MINK1: variants seen among roughly 807,000 people sequenced by gnomAD.
MINK1 encodes misshapen like kinase 1.
A neutral mutation model predicts 178.4 loss-of-function variants in MINK1; 46 were observed. That is an observed-to-expected ratio of 0.26 (90% CI 0.20 to 0.33). The LOEUF (loss-of-function observed/expected upper bound fraction) is 0.33. Ranked by LOEUF, MINK1 falls within the 10% of genes least tolerant of loss-of-function variation. The probability of loss-of-function intolerance (pLI) is 1.00; values close to 1 mark genes in which losing one functional copy is unlikely to be tolerated. For synonymous variants in MINK1, 797 were observed against 709.7 expected (o/e 1.12, Z -1.96); for missense variants, 1,366 against 1,814.9 (o/e 0.75, Z 4.49).
chr17:4,834,304 T>C (rs1005574141), intron 1 of MINK1, among the ~76,000 whole-genome samples: 5 of 152,116 alleles, frequency 3.3e-5, no homozygotes, highest in African/African-American at 1.2e-4. Context: ...TGCAGCAGCG[T>C]GGGGCTGGGA....
intron 1 of MINK1, chr17:4,857,265 G>T (rs762221542): frequency 1.4e-5 from 3 of 215,460 alleles, no homozygotes; most frequent in Non-Finnish European, 2.9e-5. Flanking sequence ...CATGATGCCG[G>T]TGCCATTCTT....
In MINK1 at chr17:4,895,397, C is replaced by A. The variant is rs756044271; in HGVS notation, c.3133C>A (p.Arg1045=). The change falls in exon 26 of 32, where the codon CGA becomes AGA. Residue 1045 remains arginine, a synonymous_variant. Coordinates refer to ENST00000355280, the MANE Select transcript of MINK1 (RefSeq NM_153827.5). This position sits in a 1 kb window ranked among gnomAD's most constrained non-coding sequence, Gnocchi z 4.3. Reference sequence around the variant, plus strand: ...GGAGAACGGGCTGATGTTGCTGGACCGAAGTGGGCAGGGCAAGGTGTATGG... The same window carrying A: ...GGAGAACGGGCTGATGTTGCTGGACAGAAGTGGGCAGGGCAAGGTGTATGG... The part of the protein sequence containing the change: ...GTENGLMLLD[R]SGQGKVYGLI... 5 of 1,610,146 alleles carry A rather than the reference C, an allele frequency of 3.1e-6. 1 individual carries two copies. In the African/African-American group the frequency reaches 6.7e-5, roughly 22 times the overall value.
chr17:4,896,291 T>C lies in MINK1; in HGVS notation c.3564T>C (p.His1188=). 1 of 1,605,248 alleles carries C rather than the reference T, an allele frequency of 6.2e-7. No homozygotes were observed. The highest frequency in any genetic ancestry group is 8.5e-7 in the Non-Finnish European group (1 of 1,175,290). Residue 1188 remains histidine, a synonymous_variant, in exon 29 of 32, where the codon CAT becomes CAC. Transcript: ENST00000355280. The surrounding 1 kb of genome is among the most constrained non-coding windows in gnomAD (Gnocchi z 4.6). ...KVIYGSSAGF[H]AVDVDSGNSY... is the part of the protein sequence containing the mutation. ...TCTATGGCTCCAGTGCTGGCTTCCA[T>C]GCTGTGGATGTCGACTCGGGGAACA... is the stretch of plus-strand genomic sequence containing the variant.
chr17:4,863,249 T>A (rs1049548050), intron 1 of MINK1, among the ~76,000 whole-genome samples: 1 of 152,130 alleles, frequency 6.6e-6, no homozygotes, highest in African/African-American at 2.4e-5. Context: ...CCCCTGTAGT[T>A]CCCATGCCCT....
intron 1 of MINK1, chr17:4,834,936 T>C (rs1909077728): frequency 4.1e-6 from 2 of 488,730 alleles, no homozygotes; most frequent in Admixed American, 2.2e-5. Context: ...ATGTTGTTAA[T>C]TGGGTTTCTC....
chr17:4,861,681 A>G (rs1164799468), intron 1 of MINK1: 2 of 312,078 alleles, frequency 6.4e-6, no homozygotes, highest in Non-Finnish European at 1.3e-5. Flanking sequence ...CTGTATTTTT[A>G]GTAGAGACAG....
chr17:4,865,435 A>AT (rs1308026706), intron 1 of MINK1, among the ~76,000 whole-genome samples: 4 of 152,010 alleles, frequency 2.6e-5, no homozygotes, highest in Non-Finnish European at 5.9e-5. Flanking sequence ...CACTGTCTCA[A>AT]AAAATAAATA....
At chr17:4,834,686 C>A (rs1909020404) in intron 1 of MINK1, 1 of 510,078 alleles carries the variant, frequency 2.0e-6, no homozygotes, top group Non-Finnish European at 3.9e-6. Context: ...GGTGAACACT[C>A]CAGACTATCA....
At chr17:4,897,090 GTC>G (rs2151085277) in intron 31 of MINK1, 112 bp from the exon 32 acceptor site, 2 of 962,000 alleles carry the variant, frequency 2.1e-6, no homozygotes, top group Non-Finnish European at 3.2e-6. Flanking sequence ...TCCTCCTGCA[GTC>G]TCTGTGTCTC....
chr17:4,888,828 G>T (rs1009414854), intron 12 of MINK1, among the ~76,000 whole-genome samples: 18 of 151,698 alleles, frequency 1.2e-4, no homozygotes, highest in African/African-American at 4.4e-4. Context: ...CTCCTGAGGA[G>T]CTGGGATTAC....
In MINK1 at chr17:4,895,898, C is replaced by T. The variant is rs1221819648; in HGVS notation, c.3364+66C>T. The T allele has an allele frequency of 8.8e-6, 14 of 1,584,722 alleles. No individual in the cohort carries two copies. Among genetic ancestry groups the T allele is most frequent in the Admixed American group, 1.8e-5 (1 of 55,676 alleles). Reference sequence around the variant, plus strand: ...ATGAAGAGAGAAATGGATCTGGGAGCCAGGGACTTGGGGCCTGGGTGGGGC... The same window carrying T: ...ATGAAGAGAGAAATGGATCTGGGAGTCAGGGACTTGGGGCCTGGGTGGGGC... On this transcript the variant is annotated intron_variant, in intron 27 of 31. Transcript: ENST00000355280. This position sits in a 1 kb window ranked among gnomAD's most constrained non-coding sequence, Gnocchi z 4.3.
At chr17:4,848,942 A>G (rs1375426323) in intron 1 of MINK1, among the ~76,000 whole-genome samples, 1 of 152,196 alleles carries the variant, frequency 6.6e-6, no homozygotes, top group African/African-American at 2.4e-5. Context: ...AACATCTCTT[A>G]TTGCACAAAG....
intron 1 of MINK1, among the ~76,000 whole-genome samples, chr17:4,851,852 T>C (rs1912011898): frequency 6.6e-6 from 1 of 151,826 alleles, no homozygotes; most frequent in Non-Finnish European, 1.5e-5. Flanking sequence ...ATACAAAAAT[T>C]AGCCGGGTGT....
chr17:4,844,795 G>A (rs1341812971), intron 1 of MINK1, among the ~76,000 whole-genome samples: 1 of 152,202 alleles, frequency 6.6e-6, no homozygotes. Context: ...GGGAGGAGAG[G>A]AAGGCTGTCT....
rs1194002149 is a variant in MINK1, at chr17:4,892,174, C to A, written c.2027C>A (p.Ala676Asp). ...PKVPQRTSSI[A>D]TALNTSGAGG... ...GTGCCTCAGAGGACCTCATCTATCG[C>A]CACTGCCCTTAACACCAGTGGGGCC... Residue 676 changes from alanine (A) to aspartate (D), a missense_variant, in exon 17 of 32, where the codon GCC becomes GAC. Physicochemically the swap from Ala to Asp is moderately radical, Grantham distance 126 (BLOSUM62 -2). Coordinates refer to ENST00000355280, the MANE Select transcript of MINK1 (RefSeq NM_153827.5). 2 of 1,601,370 alleles carry A rather than the reference C, an allele frequency of 1.2e-6. No individual in the cohort carries two copies. The highest frequency in any genetic ancestry group is 3.4e-5 in the Admixed American group (2 of 58,606).
At position 4,887,828 on chromosome 17, in the gene MINK1, T is replaced by G; in HGVS notation, c.1230+38T>G. ...CGAAGGGCCCAGGCCTGGCGCGGCC[T>G]CCTCCTGACCTGCCCCGGGTCCATT... On this transcript the variant is annotated intron_variant, in intron 12 of 31. Transcript: ENST00000355280. This position sits in a 1 kb window ranked among gnomAD's most constrained non-coding sequence, Gnocchi z 7.6. 2 of 1,442,394 alleles carry G rather than the reference T, an allele frequency of 1.4e-6. No individual in the cohort carries two copies. The highest frequency in any genetic ancestry group is 1.8e-6 in the Non-Finnish European group (2 of 1,095,938). 89.3% of individuals were successfully genotyped at this position (1,442,394 alleles called of 1,614,324 possible). A position where few individuals can be genotyped will look rare whatever the true frequency, so the allele number is the denominator to read the frequency against.
intron 1 of MINK1, among the ~76,000 whole-genome samples, chr17:4,850,636 T>G (rs1020950863): frequency 6.6e-6 from 1 of 152,080 alleles, no homozygotes; most frequent in African/African-American, 2.4e-5. Context: ...TTCCTAAGTT[T>G]TCTCTCATGG....
intron 1 of MINK1, chr17:4,859,192 G>A: frequency 1.0e-6 from 1 of 985,386 alleles, no homozygotes; most frequent in Non-Finnish European, 1.2e-6. Context: ...TCTTTCCCAA[G>A]GACTTCCATC....
At chr17:4,868,050 C>A (rs1915306132) in intron 1 of MINK1, among the ~76,000 whole-genome samples, 1 of 150,662 alleles carries the variant, frequency 6.6e-6, no homozygotes, top group African/African-American at 2.4e-5. Context: ...GATCTCGGCT[C>A]ACTGCAACCT....
Sources: gnomAD v4.1 joint callset for allele counts (sites outside exome capture counted in the v4.1 genomes callset) on GRCh38, gnomAD v4.1.1 for gene constraint, Gnocchi (gnomAD v3.1) non-coding constraint, MANE v1.5 for transcripts, NCBI Gene and HGNC (gene_info 2026-07-23, HGNC 2026-07-21) for gene names.